The following C3orf20 variants were observed in gnomAD, a reference collection of about 807,000 sequenced individuals.
The protein encoded by C3orf20 is uncharacterized protein C3orf20.
In C3orf20, 76 loss-of-function variants were observed where a neutral mutation model predicts 88.3. That is an observed-to-expected ratio of 0.86 (90% CI 0.72 to 1.04). The LOEUF is 1.04. Among genes scored for constraint, C3orf20 ranks in the 50% least tolerant of loss-of-function variants. The probability of loss-of-function intolerance (pLI) is 0.00; values close to 1 mark genes in which losing one functional copy is unlikely to be tolerated. For synonymous variants in C3orf20, 436 were observed against 437.4 expected, an observed-to-expected ratio of 1.00 and a Z score of 0.04; for missense variants, 1,056 against 1,123.3, an observed-to-expected ratio of 0.94 and a Z score of 0.86.
intron 12 of C3orf20, among the ~76,000 whole-genome samples, chr3:14,740,278 C>T (rs914549864): frequency 6.6e-6 from 1 of 152,036 alleles, no homozygotes; most frequent in Non-Finnish European, 1.5e-5. Flanking sequence ...ATTGTTATGC[C>T]TCAGGGAATA....
chr3:14,761,958 G>T (rs1559447748), intron 15 of C3orf20, among the ~76,000 whole-genome samples: 1 of 152,182 alleles, frequency 6.6e-6, no homozygotes, highest in African/African-American at 2.4e-5. Context: ...CCCTGTTTCT[G>T]TTGGAATATT....
At chr3:14,683,390 A>G (rs2032217006) in intron 3 of C3orf20, among the ~76,000 whole-genome samples, 193 bp downstream of exon 3, 1 of 152,094 alleles carries the variant, frequency 6.6e-6, no homozygotes, top group Non-Finnish European at 1.5e-5. Flanking sequence ...AGCTTTCCAG[A>G]GTCCAGATTG....
chr3:14,756,962 A>G (rs2035392561), intron 12 of C3orf20, among the ~76,000 whole-genome samples: 1 of 152,194 alleles, frequency 6.6e-6, no homozygotes, highest in Admixed American at 6.5e-5. Context: ...AGGAGGCATT[A>G]GCAGGCAGCC....
chr3:14,703,197 C>A lies in C3orf20; in HGVS notation c.813C>A (p.Asn271Lys). 1 of 1,614,224 alleles carries A rather than the reference C, an allele frequency of 6.2e-7. No homozygotes were observed. The highest frequency in any genetic ancestry group is 2.2e-5 in the East Asian group (1 of 44,884). The part of the protein sequence containing the change: ...PLHRGVGTPA[N>K]SLEFSDPCPE... ...ATCGAGGAGTGGGAACCCCTGCCAACAGCCTGGAGTTCAGCGACCCCTGCC... is the reference window on the plus strand; with the variant it reads ...ATCGAGGAGTGGGAACCCCTGCCAAAAGCCTGGAGTTCAGCGACCCCTGCC... Residue 271 changes from asparagine to lysine, a missense_variant, in exon 6 of 17, where the codon AAC (asparagine) becomes AAA (lysine). Asn to Lys is a moderately conservative substitution (Grantham distance 94). Coordinates refer to ENST00000253697, the MANE Select transcript of C3orf20 (RefSeq NM_032137.5).
rs373342813 is a variant in C3orf20, at chr3:14,683,187, G to T, written c.474G>T (p.Glu158Asp). 1.3e-6 allele frequency: 2 copies of T among 1,583,250 alleles called. No homozygotes were observed. The highest frequency in any genetic ancestry group is 3.6e-5 in the Admixed American group (2 of 56,232). ...LLRLKMKAMV[E>D]SMSVGANPLD... is the part of the protein sequence containing the mutation. The stretch of plus-strand genomic sequence containing the variant: ...GACTGAAGATGAAGGCCATGGTGGA[G>T]TCTATGTCGGGTAAGGCCCAGATGT... Residue 158 changes from glutamate to aspartate, a missense_variant, in exon 3 of 17, where the codon GAG becomes GAT. Glu to Asp is a conservative substitution (Grantham distance 45). Transcript: ENST00000253697.
At chr3:14,676,549 T>C (rs187899038) in intron 1 of C3orf20, among the ~76,000 whole-genome samples, 1 of 152,302 alleles carries the variant, frequency 6.6e-6, no homozygotes, top group Admixed American at 6.5e-5. Context: ...CTATAGGGAA[T>C]GAAGTGGCTA....
intron 12 of C3orf20, among the ~76,000 whole-genome samples, chr3:14,754,343 A>C (rs2035302913): frequency 6.6e-6 from 1 of 152,242 alleles, no homozygotes; most frequent in Non-Finnish European, 1.5e-5. Context: ...ACCTCTAGAC[A>C]GGCCAGCCCA....
chr3:14,694,421 T>A (rs528463715), intron 5 of C3orf20, among the ~76,000 whole-genome samples: 5 of 152,254 alleles, frequency 3.3e-5, no homozygotes, highest in African/African-American at 1.2e-4. Context: ...TTTGATAGGT[T>A]GTATGTGTCT....
At position 14,701,485 on chromosome 3, in the gene C3orf20, A is replaced by AG. The variant is rs35703059; in HGVS notation, c.746-1645_746-1644insG. Reference sequence around the variant, plus strand: ...AGATGCCCCTGGAACCTAGGGTGGGATATCACTGCCACGACTCCACATGAC... The same window carrying AG: ...AGATGCCCCTGGAACCTAGGGTGGGAGTATCACTGCCACGACTCCACATGAC... On this transcript the variant is annotated intron_variant, in intron 5 of 16. Coordinates refer to ENST00000253697, the MANE Select transcript of C3orf20 (RefSeq NM_032137.5). This position sits in a 1 kb window ranked among gnomAD's most constrained non-coding sequence, Gnocchi z 4.6. 0.85 allele frequency among the ~76,000 whole-genome samples: 129,379 copies of AG among 151,984 alleles called. 55,212 individuals carry two copies. Among genetic ancestry groups the AG allele is most frequent in the Non-Finnish European group, 0.89 (60,527 of 67,976 alleles).
At chr3:14,725,738 C>G (rs891992300) in intron 10 of C3orf20, among the ~76,000 whole-genome samples, 2 of 152,152 alleles carry the variant, frequency 1.3e-5, no homozygotes, top group Non-Finnish European at 2.9e-5. Context: ...CTGCCCACCC[C>G]ACTCTTGCCA....
rs763867972 is a variant in C3orf20, at chr3:14,726,964, A to C, written c.1630A>C (p.Ile544Leu). 6 of 1,614,048 alleles carry C rather than the reference A, an allele frequency of 3.7e-6. No individual in the cohort carries two copies. Among genetic ancestry groups the C allele is most frequent in the Non-Finnish European group, 2.5e-6 (3 of 1,180,038 alleles). Residue 544 changes from isoleucine to leucine, a missense_variant, in exon 11 of 17, where the codon ATC (isoleucine) becomes CTC (leucine). Physicochemically the swap from Ile to Leu is conservative, Grantham distance 5. Coordinates refer to ENST00000253697, the MANE Select transcript of C3orf20 (RefSeq NM_032137.5). ...VYKMSRALAE[I>L]KKRFQKTVTQ... ...TAAGATGAGCCGAGCCCTGGCTGAGATCAAGAAGCGGTTTCAGAAGACAGT... is the reference window on the plus strand; with the variant it reads ...TAAGATGAGCCGAGCCCTGGCTGAGCTCAAGAAGCGGTTTCAGAAGACAGT...
At chr3:14,690,837 G>A (rs2032694311) in intron 5 of C3orf20, among the ~76,000 whole-genome samples, 1 of 152,202 alleles carries the variant, frequency 6.6e-6, no homozygotes. Context: ...TGGTGGGAGG[G>A]TGGATGGCAG....
chr3:14,747,103 G>C (rs1026974059), intron 12 of C3orf20, among the ~76,000 whole-genome samples: 1 of 152,208 alleles, frequency 6.6e-6, no homozygotes, highest in East Asian at 1.9e-4. Context: ...GAACAAGTTA[G>C]GGATGTTGTC....
chr3:14,738,477 C>T (rs1410572127), intron 12 of C3orf20, among the ~76,000 whole-genome samples: 4 of 151,582 alleles, frequency 2.6e-5, no homozygotes, highest in Admixed American at 1.3e-4. Flanking sequence ...TACAGGCACC[C>T]GCCACCACAC....
intron 5 of C3orf20, among the ~76,000 whole-genome samples, chr3:14,692,922 AG>A (rs1410898886): frequency 1.3e-5 from 2 of 152,198 alleles, no homozygotes; most frequent in Non-Finnish European, 2.9e-5. Flanking sequence ...GGTGAGAGAT[AG>A]GGGTCCTTCT....
Position 14,704,494 on chromosome 3 carries a change from C to G in C3orf20, c.1036C>G (p.Leu346Val). The change falls in exon 7 of 17, where the codon CTC becomes GTC. Residue 346 changes from leucine (L) to valine (V), a missense_variant. Leu to Val is a conservative substitution (Grantham distance 32). Transcript: ENST00000253697. ...HYPPTAGAQT[L>V]SPTSHPSSAN... Reference sequence around the variant, plus strand: ...CCCTCCCACTGCAGGTGCTCAGACTCTCAGCCCCACCTCTCACCCATCTTC... The same window carrying G: ...CCCTCCCACTGCAGGTGCTCAGACTGTCAGCCCCACCTCTCACCCATCTTC... The G allele has an allele frequency of 6.2e-7, 1 of 1,614,148 alleles. No homozygotes were observed. Among genetic ancestry groups the G allele is most frequent in the African/African-American group, 1.3e-5 (1 of 75,038 alleles).
At chr3:14,720,033 G>GT (rs2034093766) in intron 9 of C3orf20, among the ~76,000 whole-genome samples, 1 of 150,454 alleles carries the variant, frequency 6.6e-6, no homozygotes, top group South Asian at 2.1e-4. Context: ...TTTGTTTTTT[G>GT]TTTTTTGTTT....
At chr3:14,698,698 C>T (rs1010251514) in intron 5 of C3orf20, among the ~76,000 whole-genome samples, 1 of 152,194 alleles carries the variant, frequency 6.6e-6, no homozygotes, top group Admixed American at 6.5e-5. Flanking sequence ...GCCACCACCA[C>T]TGGGAGTGCA....
intron 15 of C3orf20, among the ~76,000 whole-genome samples, chr3:14,763,946 G>T (rs1055100509): frequency 6.6e-6 from 1 of 152,166 alleles, no homozygotes; most frequent in Non-Finnish European, 1.5e-5. Flanking sequence ...TTCAACAATT[G>T]TTCAGGAATG....
Sources: allele counts gnomAD v4.1 joint callset (sites outside exome capture counted in the v4.1 genomes callset), GRCh38; gene constraint gnomAD v4.1.1; non-coding constraint Gnocchi (gnomAD v3.1); transcripts MANE v1.5; gene names NCBI Gene and HGNC (gene_info 2026-07-23, HGNC 2026-07-21).